Variants in IKZF3 observed in about 807,000 individuals in gnomAD.
The protein encoded by IKZF3 is IKAROS family zinc finger 3, also known as zinc finger protein Aiolos.
Under a neutral mutation model 49.0 loss-of-function variants are expected in IKZF3, and 10 were observed. The observed-to-expected ratio is 0.20, with a 90% CI of 0.13 to 0.35. The LOEUF (loss-of-function observed/expected upper bound fraction) is 0.35. Among genes scored for constraint, IKZF3 ranks in the 10% least tolerant of loss-of-function variants. The pLI is 1.00. For missense variants in IKZF3, 498 were observed against 664.8 expected (o/e 0.75, Z 2.76); for synonymous variants, 209 against 228.2 (o/e 0.92, Z 0.76).
At chr17:39,852,738 G>A (rs746671725) in intron 1 of IKZF3, among the ~76,000 whole-genome samples, 7 of 152,096 alleles carry the variant, frequency 4.6e-5, no homozygotes, top group Non-Finnish European at 8.8e-5. Context: ...TTGGGAGGCC[G>A]GGGCGGACAG....
chr17:39,803,186 A>G (rs2061360701), intron 3 of IKZF3, among the ~76,000 whole-genome samples: 1 of 152,200 alleles, frequency 6.6e-6, no homozygotes, highest in Non-Finnish European at 1.5e-5. Context: ...AATTGTGAGG[A>G]CTGAAGGCCA....
At chr17:39,841,923 G>A (rs1224888289) in intron 1 of IKZF3, among the ~76,000 whole-genome samples, 1 of 150,094 alleles carries the variant, frequency 6.7e-6, no homozygotes, top group Non-Finnish European at 1.5e-5. Context: ...AAGTGTGCCT[G>A]TAGTCCTAGC....
chr17:39,842,389 C>T (rs2062503254), intron 1 of IKZF3, among the ~76,000 whole-genome samples: 1 of 152,142 alleles, frequency 6.6e-6, no homozygotes, highest in Non-Finnish European at 1.5e-5. Flanking sequence ...ATTAGCCAGG[C>T]ATGGTGGCGC....
Position 39,766,053 on chromosome 17 carries a change from G to C in IKZF3, c.1267C>G (p.Arg423Gly). The C allele has an allele frequency of 6.2e-7, 1 of 1,614,138 alleles. No individual in the cohort carries two copies. The highest frequency in any genetic ancestry group is 1.3e-5 in the African/African-American group (1 of 75,016). ...NGMPLLKEVPRSYELLKPPPI... is the reference protein window; with the variant it reads ...NGMPLLKEVPGSYELLKPPPI... ...GGGGGCTTGAGGAGTTCGTAAGAGC[G>C]GGGAACCTCCTTCAGAAGTGGCATC... The change falls in exon 8 of 8, where the codon CGC (arginine) becomes GGC (glycine). Residue 423 changes from arginine to glycine, a missense_variant. This residue lies in a region of IKZF3 where 317 missense variants were observed against 397.3 expected (regional missense o/e 0.80). Transcript: ENST00000346872.
intron 3 of IKZF3, among the ~76,000 whole-genome samples, chr17:39,824,319 T>C (rs1029598460): frequency 7.2e-5 from 11 of 152,174 alleles, no homozygotes; most frequent in Non-Finnish European, 1.5e-5. Flanking sequence ...GTACCTCCAT[T>C]GTATCTGGGA....
chr17:39,793,671 A>G (rs17676191), intron 3 of IKZF3, among the ~76,000 whole-genome samples: 9,720 of 152,336 alleles, frequency 0.064, 422 homozygotes, highest in Non-Finnish European at 0.099. Context: ...ATTAGGTCCC[A>G]AGTTAGGGAG....
rs2060278576 is a variant in IKZF3, at chr17:39,765,984, C to T, written c.1336G>A (p.Gly446Arg). 6.2e-7 allele frequency: 1 copy of T among 1,614,108 alleles called. No individual in the cohort carries two copies. Among genetic ancestry groups the T allele is most frequent in the Admixed American group, 1.7e-5 (1 of 60,012 alleles). The stretch of plus-strand genomic sequence containing the variant: ...CACCGATACACATCCATCACCTCCC[C>T]TTCCTTGTTGATCACTTTGACGGAG... ...RDSVKVINKE[G>R]EVMDVYRCDH... is the part of the protein sequence containing the mutation. Residue 446 changes from glycine (G) to arginine (R), a missense_variant, in exon 8 of 8, where the codon GGG (glycine) becomes AGG (arginine). Physicochemically the swap from Gly to Arg is moderately radical, Grantham distance 125. This residue lies in a region of IKZF3 where 317 missense variants were observed against 397.3 expected (regional missense o/e 0.80). Transcript: ENST00000346872.
chr17:39,837,990 T>C (rs1007273138), intron 1 of IKZF3, among the ~76,000 whole-genome samples: 2 of 152,190 alleles, frequency 1.3e-5, no homozygotes, highest in Admixed American at 6.5e-5. Flanking sequence ...TGTGTTGTTG[T>C]TTTCCTATAG....
rs559364646 is a variant in IKZF3 at position 39,834,419 on chromosome 17, T to G, written c.8-2268A>C. On this transcript the variant is annotated intron_variant, in intron 1 of 7. Coordinates refer to ENST00000346872, the MANE Select transcript of IKZF3 (RefSeq NM_012481.5). ...TATAAGTTTTCCTGTAAGCATTGCT[T>G]TAGCTGCATCTCATAAATGCTGATG... 1.1e-4 allele frequency among the ~76,000 whole-genome samples: 17 copies of G among 152,358 alleles called. No individual in the cohort carries two copies. In the East Asian group the frequency reaches 2.9e-3, roughly 26 times the overall value.
intron 5 of IKZF3, among the ~76,000 whole-genome samples, chr17:39,789,910 A>G (rs952541353): frequency 6.6e-6 from 1 of 151,588 alleles, no homozygotes; most frequent in Non-Finnish European, 1.5e-5. Flanking sequence ...AAAAAAAAAA[A>G]AAAAAGAGAG....
chr17:39,759,870 C>A lies in IKZF3; in HGVS notation c.*5920G>T, dbSNP rs899806708. ...CCATTCTCTAAAAGATGAGGTATCA[C>A]TATATATCGGGTTTTTTTCTTCTGT... is the stretch of plus-strand genomic sequence containing the variant. On this transcript the variant is annotated 3_prime_UTR_variant, in exon 8 of 8. Transcript: ENST00000346872. The A allele has an allele frequency of 6.6e-6, 1 of 152,178 alleles. No homozygotes were observed. Among genetic ancestry groups the A allele is most frequent in the African/African-American group, 2.4e-5 (1 of 41,430 alleles). 9.4% of individuals were successfully genotyped at this position (152,178 alleles called of 1,614,324 possible).
At position 39,760,712 on chromosome 17, in the gene IKZF3, GC is replaced by G. The variant is rs1450786446; in HGVS notation, c.*5077del. The G allele has an allele frequency of 6.6e-6, 1 of 152,240 alleles. No homozygotes were observed. Among genetic ancestry groups the G allele is most frequent in the Non-Finnish European group, 1.5e-5 (1 of 68,062 alleles). 9.4% of individuals were successfully genotyped at this position (152,240 alleles called of 1,614,324 possible). A position where few individuals can be genotyped will look rare whatever the true frequency, so the allele number is the denominator to read the frequency against. Reference sequence around the variant, plus strand: ...ATAGGAGAATAATAGTGATACAGATGCTACCTGGAAAAACTTTGTTCTGTCT... The same window carrying G: ...ATAGGAGAATAATAGTGATACAGATGTACCTGGAAAAACTTTGTTCTGTCT... On this transcript the variant is annotated 3_prime_UTR_variant, in exon 8 of 8. Coordinates refer to ENST00000346872, the MANE Select transcript of IKZF3 (RefSeq NM_012481.5).
intron 3 of IKZF3, among the ~76,000 whole-genome samples, chr17:39,796,184 T>C (rs1431221271): frequency 9.2e-5 from 14 of 152,182 alleles, no homozygotes; most frequent in Admixed American, 9.2e-4. Flanking sequence ...AAGAGATTCA[T>C]CCCATTCCCT....
chr17:39,823,860 A>G (rs2061881511), intron 3 of IKZF3, among the ~76,000 whole-genome samples: 1 of 152,252 alleles, frequency 6.6e-6, no homozygotes, highest in Admixed American at 6.5e-5. Flanking sequence ...AGTTCGCTAC[A>G]GGGGTGGAGC....
intron 3 of IKZF3, among the ~76,000 whole-genome samples, chr17:39,804,626 A>G (rs1287382674): frequency 6.6e-6 from 1 of 152,170 alleles, no homozygotes; most frequent in Non-Finnish European, 1.5e-5. Context: ...ATGCATCAGA[A>G]TAAGGTCCAT....
chr17:39,856,663 G>A (rs992700114), intron 1 of IKZF3, among the ~76,000 whole-genome samples: 8 of 151,816 alleles, frequency 5.3e-5, no homozygotes, highest in African/African-American at 1.7e-4. Flanking sequence ...AAAATTAGCC[G>A]GGCGTGGTAG....
chr17:39,833,823 C>A (rs531066907), intron 1 of IKZF3, among the ~76,000 whole-genome samples: 1 of 151,996 alleles, frequency 6.6e-6, no homozygotes, highest in Admixed American at 6.5e-5. Context: ...TACCCCACAC[C>A]CAATTTCCCC....
intron 1 of IKZF3, chr17:39,839,386 T>C: frequency 1.7e-6 from 1 of 603,158 alleles, no homozygotes; most frequent in Non-Finnish European, 3.1e-6. Flanking sequence ...CTCAGCTTGG[T>C]TCTTTTCCAA....
chr17:39,766,713 G>C (rs756689101), intron 7 of IKZF3, among the ~76,000 whole-genome samples: 6 of 152,130 alleles, frequency 3.9e-5, no homozygotes, highest in Non-Finnish European at 5.9e-5. Flanking sequence ...AGAAGAGAGG[G>C]GCAGAGATGT....
Sources: gnomAD v4.1 joint callset for allele counts (sites outside exome capture counted in the v4.1 genomes callset) on GRCh38, gnomAD v4.1.1 for gene constraint, gnomAD v4.1.1 regional missense constraint, MANE v1.5 for transcripts, NCBI Gene and HGNC (gene_info 2026-07-23, HGNC 2026-07-21) for gene names.